The following NR2F1 variants were observed in gnomAD, a reference collection of about 807,000 sequenced individuals.
NR2F1 encodes the protein COUP transcription factor 1.
In NR2F1, 1 loss-of-function variant was observed where a neutral mutation model predicts 37.7. The ratio of observed to expected loss-of-function variants is 0.03; its 90% CI spans 0.01 to 0.13. NR2F1 has a LOEUF of 0.13. NR2F1 is among the 10% of genes least tolerant of loss of function. The pLI, the probability that NR2F1 is intolerant of heterozygous loss-of-function variation, is 1.00. For missense variants in NR2F1, 268 were observed against 578.4 expected (o/e 0.46, Z 5.50); for synonymous variants, 275 against 259.6 (o/e 1.06, Z -0.57).
intron 1 of NR2F1, chr5:93,587,316 G>A (rs894803024): frequency 1.3e-5 from 2 of 152,124 alleles, no homozygotes; most frequent in Non-Finnish European, 2.9e-5. Flanking sequence ...TGTATGGGGC[G>A]ACGGGGAGGA....
rs905419112 is a variant in NR2F1, at chr5:93,594,206, C to T, written c.*364C>T. 26 of 247,980 alleles carry T rather than the reference C, an allele frequency of 1.0e-4. No individual in the cohort carries two copies. Among genetic ancestry groups the T allele is most frequent in the African/African-American group, 3.9e-4 (17 of 43,998 alleles). 15.4% of individuals were successfully genotyped at this position (247,980 alleles called of 1,614,324 possible). A position where few individuals can be genotyped will look rare whatever the true frequency, so the allele number is the denominator to read the frequency against. On this transcript the variant is annotated 3_prime_UTR_variant, in exon 3 of 3. Transcript: ENST00000327111. ...TGGACCTTCCAGGATTTATTGTGGA[C>T]GGATGTGGATATATTCTGTACAGGA...
At position 93,585,009 on chromosome 5, in the gene NR2F1, C is replaced by A; in HGVS notation, c.-15C>A. The A allele has an allele frequency of 2.0e-6, 2 of 1,001,356 alleles. No individual in the cohort carries two copies. Among genetic ancestry groups the A allele is most frequent in the Non-Finnish European group, 2.4e-6 (2 of 840,584 alleles). The allele number at this position is 1,001,356 out of a possible 1,614,324, so 62.0% of individuals were successfully genotyped here. On this transcript the variant is annotated 5_prime_UTR_variant, in exon 1 of 3. Transcript: ENST00000327111. ...AGCAGCTCGGCTCCCCCCAGCGCTC[C>A]CCGGGCCCAAAGATATGGCAATGGT...
rs988106117 is a variant in NR2F1 at position 93,584,442 on chromosome 5, A to AGT, written c.-572_-571dup. The AGT allele has an allele frequency of 2.1e-4, 31 of 148,474 alleles. No homozygotes were observed. Among genetic ancestry groups the AGT allele is most frequent in the African/African-American group, 7.1e-4 (29 of 40,704 alleles). The allele number at this position is 148,474 out of a possible 1,614,324, so 9.2% of individuals were successfully genotyped here. A position where few individuals can be genotyped will look rare whatever the true frequency, so the allele number is the denominator to read the frequency against. ...GCGCGGGTGAGCGACTGTGTGTGCG[A>AGT]GTGTGTGTGTGCGCGGGGGTGCGGG... On this transcript the variant is annotated 5_prime_UTR_variant, in exon 1 of 3. Coordinates refer to ENST00000327111, the MANE Select transcript of NR2F1 (RefSeq NM_005654.6).
intron 2 of NR2F1, among the ~76,000 whole-genome samples, chr5:93,591,579 T>C (rs981151056): frequency 5.9e-5 from 9 of 152,160 alleles, no homozygotes; most frequent in African/African-American, 2.2e-4. Context: ...CTTGTCTCTC[T>C]TGGAGCGGCC....
At chr5:93,586,415 A>T (rs139081698) in intron 1 of NR2F1, among the ~76,000 whole-genome samples, 22 of 152,320 alleles carry the variant, frequency 1.4e-4, no homozygotes, top group Admixed American at 3.9e-4. Flanking sequence ...TTTTTTAAAA[A>T]AAAACACAAC....
intron 1 of NR2F1, 49 bp from the exon 2 acceptor site, chr5:93,587,868 C>T (rs768488957): frequency 6.6e-7 from 1 of 1,520,288 alleles, no homozygotes; most frequent in Non-Finnish European, 8.9e-7. Context: ...GCAATGTTCG[C>T]AAGCTCCCTG....
chr5:93,588,698 C>T (rs1328145674), intron 2 of NR2F1, among the ~76,000 whole-genome samples: 1 of 151,330 alleles, frequency 6.6e-6, no homozygotes. Context: ...GGCCTAGTCG[C>T]CCGGACCCCT....
In NR2F1 at chr5:93,594,221, T is replaced by C. The variant is rs1331792733; in HGVS notation, c.*379T>C. 4.6e-6 allele frequency: 1 copy of C among 219,226 alleles called. No homozygotes were observed. Among genetic ancestry groups the C allele is most frequent in the African/African-American group, 2.3e-5 (1 of 43,010 alleles). 13.6% of individuals were successfully genotyped at this position (219,226 alleles called of 1,614,324 possible). ...TTATTGTGGACGGATGTGGATATAT[T>C]CTGTACAGGAACAACACATATGGAA... is the stretch of plus-strand genomic sequence containing the variant. On this transcript the variant is annotated 3_prime_UTR_variant, in exon 3 of 3. Coordinates refer to ENST00000327111, the MANE Select transcript of NR2F1 (RefSeq NM_005654.6).
chr5:93,592,285 T>C (rs1174126096), intron 2 of NR2F1: 1 of 152,174 alleles, frequency 6.6e-6, no homozygotes, highest in Non-Finnish European at 1.5e-5. Flanking sequence ...CATCAATTTT[T>C]TCCCAGATCT....
chr5:93,586,402 GTT>G (rs780538737), intron 1 of NR2F1, among the ~76,000 whole-genome samples: 31 of 151,780 alleles, frequency 2.0e-4, no homozygotes, highest in African/African-American at 6.3e-4. Context: ...GTATGGGTTT[GTT>G]TTTTTTAAAA....
At chr5:93,587,419 T>C (rs1580359704) in intron 1 of NR2F1, 1 of 154,588 alleles carries the variant, frequency 6.5e-6, no homozygotes, top group Non-Finnish European at 1.4e-5. Context: ...TTAAGAATTA[T>C]TCTATAGCAT....
chr5:93,594,178 T>C lies in NR2F1; in HGVS notation c.*336T>C. The stretch of plus-strand genomic sequence containing the variant: ...GAATTTTAATAAAACAGAAGGAAAC[T>C]AATGGACCTTCCAGGATTTATTGTG... On this transcript the variant is annotated 3_prime_UTR_variant, in exon 3 of 3. Coordinates refer to ENST00000327111, the MANE Select transcript of NR2F1 (RefSeq NM_005654.6). 3.4e-6 allele frequency: 1 copy of C among 291,588 alleles called. No individual in the cohort carries two copies. Among genetic ancestry groups the C allele is most frequent in the South Asian group, 5.0e-5 (1 of 20,050 alleles). 18.1% of individuals were successfully genotyped at this position (291,588 alleles called of 1,614,324 possible). A position where few individuals can be genotyped will look rare whatever the true frequency, so the allele number is the denominator to read the frequency against.
intron 2 of NR2F1, among the ~76,000 whole-genome samples, chr5:93,591,353 T>C (rs1753326074): frequency 6.6e-6 from 1 of 152,206 alleles, no homozygotes; most frequent in African/African-American, 2.4e-5. Context: ...TGGGAGCTCA[T>C]ACCTTCTGTC....
intron 2 of NR2F1, among the ~76,000 whole-genome samples, chr5:93,589,829 G>A (rs1337445950): frequency 2.0e-5 from 3 of 152,218 alleles, no homozygotes; most frequent in Non-Finnish European, 4.4e-5. Context: ...GATCTGAACA[G>A]CAGATAATTT....
At chr5:93,586,074 T>C (rs1753226673) in intron 1 of NR2F1, among the ~76,000 whole-genome samples, 1 of 152,126 alleles carries the variant, frequency 6.6e-6, no homozygotes, top group Non-Finnish European at 1.5e-5. Flanking sequence ...TAGGTCTAAT[T>C]AGGGGGGAAG....
rs570838351 is a variant in NR2F1 at position 93,593,702 on chromosome 5, C to T, written c.1132C>T (p.Arg378Cys). 1 of 1,614,198 alleles carries T rather than the reference C, an allele frequency of 6.2e-7. No individual in the cohort carries two copies. The highest frequency in any genetic ancestry group is 8.5e-7 in the Non-Finnish European group (1 of 1,180,038). ...GKLLLRLPSLRTVSSSVIEQL... is the reference protein window; with the variant it reads ...GKLLLRLPSLCTVSSSVIEQL... ...ACTGCTGCTGCGACTGCCCTCGCTG[C>T]GCACCGTGTCCTCCTCCGTCATCGA... is the stretch of plus-strand genomic sequence containing the variant. The change falls in exon 3 of 3, where the codon CGC (arginine) becomes TGC (cysteine). Residue 378 changes from arginine to cysteine, a missense_variant. This residue lies in a region of NR2F1 where 99 missense variants were observed against 191.9 expected (regional missense o/e 0.52). Transcript: ENST00000327111. The surrounding 1 kb of genome is among the most constrained non-coding windows in gnomAD (Gnocchi z 5.6).
intron 1 of NR2F1, 34 bp downstream of exon 1, chr5:93,585,520 T>C (rs1192633777): frequency 7.2e-7 from 1 of 1,394,700 alleles, no homozygotes; most frequent in Non-Finnish European, 1.0e-6. Context: ...CTCCCCGCGC[T>C]TCGCCCGCCT....
Position 93,583,350 on chromosome 5 carries a change from C to T in NR2F1, c.-1674C>T, listed in dbSNP as rs1349428235. The T allele has an allele frequency of 2.0e-5, 3 of 148,614 alleles. No homozygotes were observed. The highest frequency in any genetic ancestry group is 7.5e-5 in the African/African-American group (3 of 40,232). The allele number at this position is 148,614 out of a possible 1,614,324, so 9.2% of individuals were successfully genotyped here. On this transcript the variant is annotated 5_prime_UTR_variant, in exon 1 of 3. Transcript: ENST00000327111. ...CTCTCTCTCTCTCCTCTTTCTCCCC[C>T]CTCTCTCCCTCCTCTCCTCTCTCTC...
chr5:93,590,707 C>G (rs748405334), intron 2 of NR2F1, among the ~76,000 whole-genome samples: 4 of 152,176 alleles, frequency 2.6e-5, no homozygotes, highest in Non-Finnish European at 5.9e-5. Flanking sequence ...AACTTTTAAG[C>G]AAACTTTGAA....
Sources: allele counts gnomAD v4.1 joint callset (sites outside exome capture counted in the v4.1 genomes callset), GRCh38; gene constraint gnomAD v4.1.1; regional missense constraint gnomAD v4.1.1; non-coding constraint Gnocchi (gnomAD v3.1); transcripts MANE v1.5; gene names NCBI Gene and HGNC (gene_info 2026-07-23, HGNC 2026-07-21).